The following FGF2 variants were observed in gnomAD, a reference collection of about 807,000 sequenced individuals.
The protein encoded by FGF2 is fibroblast growth factor 2, also known as basic fibroblast growth factor bFGF.
In FGF2, 13 loss-of-function variants were observed where a neutral mutation model predicts 15.9. That is an observed-to-expected ratio of 0.82 (90% CI 0.53 to 1.30). FGF2 has a LOEUF of 1.30. Ranked by LOEUF, FGF2 falls within the 50% of genes most tolerant of loss-of-function variation. The probability of loss-of-function intolerance (pLI) is 0.00; values close to 1 mark genes in which losing one functional copy is unlikely to be tolerated. For synonymous variants in FGF2, 90 were observed against 78.4 expected (o/e 1.15, Z -0.78); for missense variants, 163 against 196.9 (o/e 0.83, Z 1.03).
In FGF2 at chr4:122,894,569, A is replaced by AACTCC. The variant is rs1727292464; in HGVS notation, c.*2173_*2174insACTCC. 6.6e-6 allele frequency: 1 copy of AACTCC among 152,232 alleles called. No homozygotes were observed. Among genetic ancestry groups the AACTCC allele is most frequent in the Admixed American group, 6.5e-5 (1 of 15,284 alleles). The allele number at this position is 152,232 out of a possible 1,614,324, so 9.4% of individuals were successfully genotyped here. ...GCCACTGCAGTCCAGCCTAGGCAAC[A>AACTCC]GAGTGAGACTTTGTCTCAAAAAAAG... On this transcript the variant is annotated 3_prime_UTR_variant, in exon 3 of 3. Transcript: ENST00000644866.
intron 2 of FGF2, among the ~76,000 whole-genome samples, chr4:122,878,516 G>A (rs1322348493): frequency 6.6e-6 from 1 of 152,174 alleles, no homozygotes; most frequent in Non-Finnish European, 1.5e-5. Flanking sequence ...AGGCTGGGGA[G>A]GTAGATAGAC....
intron 1 of FGF2, among the ~76,000 whole-genome samples, chr4:122,853,919 T>C (rs1168047375): frequency 6.6e-6 from 1 of 152,206 alleles, no homozygotes; most frequent in African/African-American, 2.4e-5. Flanking sequence ...TGCAGTTTTG[T>C]TAATTATCTT....
chr4:122,880,933 A>T (rs566058265), intron 2 of FGF2, among the ~76,000 whole-genome samples: 1 of 152,338 alleles, frequency 6.6e-6, no homozygotes. Context: ...GCATCCAGGC[A>T]TTTCCATACA....
At chr4:122,834,235 T>C (rs1459911741) in intron 1 of FGF2, among the ~76,000 whole-genome samples, 4 of 152,010 alleles carry the variant, frequency 2.6e-5, no homozygotes, top group Non-Finnish European at 5.9e-5. Context: ...CTCCACCCCA[T>C]TCTCCCAGTG....
At chr4:122,835,095 C>A (rs566794014) in intron 1 of FGF2, among the ~76,000 whole-genome samples, 5 of 152,320 alleles carry the variant, frequency 3.3e-5, no homozygotes, top group African/African-American at 9.6e-5. Context: ...TCAGTAAGCA[C>A]CCATTGCATA....
intron 2 of FGF2, among the ~76,000 whole-genome samples, chr4:122,885,572 C>T (rs968794219): frequency 1.3e-5 from 2 of 152,180 alleles, no homozygotes; most frequent in East Asian, 1.9e-4. Context: ...ATTAGACTTA[C>T]AGAAAAGTTA....
At chr4:122,826,790 G>T (rs1240991186), upstream of FGF2, 5 of 1,404,260 alleles carry the variant, frequency 3.6e-6, no homozygotes, top group Admixed American at 4.9e-5. Context: ...TGGGTGTGGG[G>T]GGTGGAGATG....
intron 1 of FGF2, among the ~76,000 whole-genome samples, chr4:122,852,679 A>G (rs547459374): frequency 9.2e-5 from 14 of 152,278 alleles, no homozygotes; most frequent in African/African-American, 3.4e-4. Flanking sequence ...TCAGTTTTTC[A>G]TATTTCCAAG....
At chr4:122,858,507 C>T (rs943603798) in intron 1 of FGF2, among the ~76,000 whole-genome samples, 8 of 152,112 alleles carry the variant, frequency 5.3e-5, no homozygotes, top group African/African-American at 1.7e-4. Flanking sequence ...AAGTGATTCT[C>T]CTGCCTCAGC....
intron 2 of FGF2, among the ~76,000 whole-genome samples, chr4:122,886,306 G>T (rs553919306): frequency 1.3e-5 from 2 of 152,212 alleles, no homozygotes; most frequent in East Asian, 3.9e-4. Context: ...GCATATAATG[G>T]TATATGTTAT....
At chr4:122,839,357 T>C (rs1725929237) in intron 1 of FGF2, among the ~76,000 whole-genome samples, 1 of 151,744 alleles carries the variant, frequency 6.6e-6, no homozygotes, top group African/African-American at 2.4e-5. Flanking sequence ...TAAGGACATG[T>C]GGTGTAAGAT....
chr4:122,881,884 G>T (rs1013781472), intron 2 of FGF2: 3 of 156,774 alleles, frequency 1.9e-5, no homozygotes, highest in African/African-American at 7.2e-5. Flanking sequence ...ATTTACAAAA[G>T]AAGAGGTTTA....
At chr4:122,844,617 T>C (rs1726070459) in intron 1 of FGF2, among the ~76,000 whole-genome samples, 1 of 148,496 alleles carries the variant, frequency 6.7e-6, no homozygotes, top group South Asian at 2.1e-4. Flanking sequence ...CTTCCTTCCT[T>C]TCTTTCTTCC....
intron 2 of FGF2, among the ~76,000 whole-genome samples, chr4:122,880,060 C>T (rs1726930983): frequency 6.6e-6 from 1 of 152,162 alleles, no homozygotes; most frequent in Admixed American, 6.5e-5. Flanking sequence ...TCCAACATCT[C>T]ATCTGAGACA....
intron 2 of FGF2, among the ~76,000 whole-genome samples, chr4:122,887,721 T>G (rs1308476900): frequency 6.6e-6 from 1 of 152,188 alleles, no homozygotes; most frequent in Non-Finnish European, 1.5e-5. Context: ...GCCCCTCTTA[T>G]AGAACCATAA....
At chr4:122,832,400 G>C (rs567822296) in intron 1 of FGF2, among the ~76,000 whole-genome samples, 1 of 151,786 alleles carries the variant, frequency 6.6e-6, no homozygotes, top group East Asian at 1.9e-4. Flanking sequence ...ACCTGCCACC[G>C]CACCCAGCTA....
chr4:122,843,200 G>T (rs1434779460), intron 1 of FGF2, among the ~76,000 whole-genome samples: 2 of 152,210 alleles, frequency 1.3e-5, no homozygotes. Context: ...GTCATAAAAG[G>T]CTTCAAACAG....
chr4:122,838,076 G>A (rs928339126), intron 1 of FGF2, among the ~76,000 whole-genome samples: 1 of 152,174 alleles, frequency 6.6e-6, no homozygotes, highest in African/African-American at 2.4e-5. Context: ...GTGTACTAAT[G>A]TATAAAGACA....
intron 1 of FGF2, among the ~76,000 whole-genome samples, chr4:122,835,477 G>C (rs1272216750): frequency 5.9e-5 from 9 of 151,856 alleles, no homozygotes; most frequent in Non-Finnish European, 1.3e-4. Flanking sequence ...CCCACTGCTT[G>C]GAGGGCAGAC....
Sources: gnomAD v4.1 joint callset for allele counts (sites outside exome capture counted in the v4.1 genomes callset) on GRCh38, gnomAD v4.1.1 for gene constraint, MANE v1.5 for transcripts, NCBI Gene and HGNC (gene_info 2026-07-23, HGNC 2026-07-21) for gene names.